Variants in SPATA6 observed in about 807,000 individuals in gnomAD.
SPATA6 encodes spermatogenesis associated 6.
In SPATA6, 56 loss-of-function variants were observed where a neutral mutation model predicts 65.3. That is an observed-to-expected ratio of 0.86 (90% CI 0.69 to 1.07). The LOEUF (loss-of-function observed/expected upper bound fraction) is 1.07. Among genes scored for constraint, SPATA6 ranks in the 50% least tolerant of loss-of-function variants. The probability of loss-of-function intolerance (pLI) is 0.00; values close to 1 mark genes in which losing one functional copy is unlikely to be tolerated. For missense variants in SPATA6, 590 were observed against 594.8 expected (o/e 0.99, Z 0.08); for synonymous variants, 199 against 213.2 (o/e 0.93, Z 0.58).
At chr1:48,366,491 T>C (rs759158279) in intron 9 of SPATA6, among the ~76,000 whole-genome samples, 11 of 151,632 alleles carry the variant, frequency 7.3e-5, no homozygotes, top group Non-Finnish European at 1.2e-4. Flanking sequence ...TATTGGTCTA[T>C]TCAGAGTCAA....
At chr1:48,445,379 C>T (rs567396823) in intron 3 of SPATA6, among the ~76,000 whole-genome samples, 1 of 152,232 alleles carries the variant, frequency 6.6e-6, no homozygotes, top group South Asian at 2.1e-4. Context: ...AAAGCTAACA[C>T]ATGGCTGGGC....
intron 9 of SPATA6, among the ~76,000 whole-genome samples, chr1:48,370,239 A>G (rs1452281772): frequency 1.3e-5 from 2 of 152,190 alleles, no homozygotes; most frequent in Non-Finnish European, 2.9e-5. Context: ...CTCTTCTGTC[A>G]TAGGGCAGAA....
intron 1 of SPATA6, among the ~76,000 whole-genome samples, chr1:48,467,835 A>G (rs996811441): frequency 2.0e-5 from 3 of 152,158 alleles, no homozygotes; most frequent in East Asian, 3.8e-4. Context: ...CAAAAATATA[A>G]TAAGATATGC....
At chr1:48,471,677 A>G (rs1658261958) in intron 1 of SPATA6, among the ~76,000 whole-genome samples, 1 of 152,170 alleles carries the variant, frequency 6.6e-6, no homozygotes, top group African/African-American at 2.4e-5. Context: ...GTTAGGAGCG[A>G]GGAAAGAACT....
At chr1:48,292,696 T>C (rs1644776179), downstream of SPATA6, among the ~76,000 whole-genome samples, 1 of 152,214 alleles carries the variant, frequency 6.6e-6, no homozygotes, top group Non-Finnish European at 1.5e-5. Flanking sequence ...TGGTGAGAGC[T>C]GGGTAAGGGC....
chr1:48,340,796 A>C (rs763685777), intron 11 of SPATA6, among the ~76,000 whole-genome samples: 8 of 152,160 alleles, frequency 5.3e-5, no homozygotes, highest in Non-Finnish European at 8.8e-5. Flanking sequence ...GGATACAAGA[A>C]GGGTGAAAGT....
At chr1:48,394,158 A>G (rs1386558738) in intron 8 of SPATA6, among the ~76,000 whole-genome samples, 1 of 152,118 alleles carries the variant, frequency 6.6e-6, no homozygotes, top group Non-Finnish European at 1.5e-5. Flanking sequence ...ATAAGTCTGA[A>G]ATTATGCCAA....
chr1:48,316,283 T>C (rs1481781328), intron 11 of SPATA6, among the ~76,000 whole-genome samples: 1 of 152,100 alleles, frequency 6.6e-6, no homozygotes, highest in Non-Finnish European at 1.5e-5. Context: ...CTTCAAACTA[T>C]ACTACAAGGC....
At chr1:48,367,554 C>G (rs574393007) in intron 9 of SPATA6, among the ~76,000 whole-genome samples, 29 of 152,200 alleles carry the variant, frequency 1.9e-4, no homozygotes, top group Admixed American at 5.2e-4. Flanking sequence ...TATGTAATGG[C>G]CTTCTTTGTC....
At chr1:48,322,398 C>A (rs912266372) in intron 11 of SPATA6, among the ~76,000 whole-genome samples, 1 of 152,120 alleles carries the variant, frequency 6.6e-6, no homozygotes, top group African/African-American at 2.4e-5. Context: ...CCCTTCCTTA[C>A]ACCTTATATA....
chr1:48,423,462 G>GAA (rs575119937), intron 3 of SPATA6, among the ~76,000 whole-genome samples: 36 of 96,494 alleles, frequency 3.7e-4, no homozygotes, highest in Non-Finnish European at 4.4e-4. Flanking sequence ...ATCTCAAAAA[G>GAA]AAAAAAAAAA....
At chr1:48,436,493 A>G in intron 3 of SPATA6, 2 of 1,610,350 alleles carry the variant, frequency 1.2e-6, no homozygotes, top group Non-Finnish European at 1.7e-6. Flanking sequence ...AACTATCTGT[A>G]CCAAAATGGC....
intron 3 of SPATA6, among the ~76,000 whole-genome samples, chr1:48,414,728 C>T (rs1299574745): frequency 6.6e-6 from 1 of 152,184 alleles, no homozygotes; most frequent in Non-Finnish European, 1.5e-5. Context: ...TTACTAAAAG[C>T]TCTTTACCAC....
chr1:48,387,917 C>T (rs1196480792), intron 8 of SPATA6, among the ~76,000 whole-genome samples: 7 of 152,314 alleles, frequency 4.6e-5, no homozygotes, highest in East Asian at 1.9e-4. Flanking sequence ...GCCACTGTCA[C>T]GGTCATCACC....
intron 9 of SPATA6, among the ~76,000 whole-genome samples, chr1:48,366,159 G>A (rs1011001680): frequency 2.0e-5 from 3 of 152,148 alleles, no homozygotes; most frequent in East Asian, 1.9e-4. Flanking sequence ...TGATCATGGT[G>A]GATAAGCTTT....
the SPATA6 span, among the ~76,000 whole-genome samples, chr1:48,282,355 G>T: frequency 6.6e-6 from 1 of 152,114 alleles, no homozygotes; most frequent in Admixed American, 6.6e-5. Context: ...AAACTAAAGA[G>T]CTTCTGCACA....
intron 11 of SPATA6, among the ~76,000 whole-genome samples, chr1:48,343,049 C>T (rs1646264001): frequency 6.6e-6 from 1 of 152,052 alleles, no homozygotes; most frequent in African/African-American, 2.4e-5. Context: ...TCTAATAAAC[C>T]TGATAACTTC....
chr1:48,436,266 C>T, intron 3 of SPATA6: 1 of 1,613,826 alleles, frequency 6.2e-7, no homozygotes, highest in South Asian at 1.1e-5. Flanking sequence ...ATGAAGAACG[C>T]CTGAAAGCTT....
intron 3 of SPATA6, among the ~76,000 whole-genome samples, chr1:48,433,462 C>T (rs548214788): frequency 7.6e-4 from 116 of 152,172 alleles, no homozygotes; most frequent in Admixed American, 1.8e-3. Flanking sequence ...TATCTTATAG[C>T]TAAAAATAAT....
Sources: allele counts gnomAD v4.1 joint callset (sites outside exome capture counted in the v4.1 genomes callset), GRCh38; gene constraint gnomAD v4.1.1; transcripts MANE v1.5; gene names NCBI Gene and HGNC (gene_info 2026-07-23, HGNC 2026-07-21).